The following LRRC1 variants were observed in gnomAD, a reference collection of about 807,000 sequenced individuals.
The protein encoded by LRRC1 is leucine-rich repeat-containing protein 1.
Under a neutral mutation model 69.9 loss-of-function variants are expected in LRRC1, and 28 were observed. That is an observed-to-expected ratio of 0.40 (90% CI 0.30 to 0.55). The LOEUF (loss-of-function observed/expected upper bound fraction) is 0.55. Ranked by LOEUF, LRRC1 falls within the 20% of genes least tolerant of loss-of-function variation. The pLI is 0.47. For missense variants in LRRC1, 498 were observed against 609.0 expected, an observed-to-expected ratio of 0.82 and a Z score of 1.92; for synonymous variants, 236 against 240.2, an observed-to-expected ratio of 0.98 and a Z score of 0.16.
chr6:53,890,929 C>T (rs9463994), intron 4 of LRRC1, among the ~76,000 whole-genome samples: 129 of 152,026 alleles, frequency 8.5e-4, no homozygotes, highest in East Asian at 5.0e-3. Flanking sequence ...TGATTTTGGC[C>T]GCTAAAATGG....
intron 2 of LRRC1, among the ~76,000 whole-genome samples, chr6:53,868,505 C>T (rs1479777294): frequency 5.3e-5 from 8 of 152,138 alleles, no homozygotes; most frequent in South Asian, 2.1e-4. Context: ...GTATTACAGA[C>T]GTGAGCCACT....
In LRRC1 at chr6:53,878,142, A is replaced by G. The variant is rs963108420; in HGVS notation, c.278-851A>G. 3.9e-5 allele frequency among the ~76,000 whole-genome samples: 6 copies of G among 152,190 alleles called. No individual in the cohort carries two copies. The South Asian group carries it at 1.0e-3, about 26-fold the overall frequency. ...ACCATCAGGTCTCGTGAAACTTACTATCATGAGAACAGCACAGGAAAGACC... is the reference window on the plus strand; with the variant it reads ...ACCATCAGGTCTCGTGAAACTTACTGTCATGAGAACAGCACAGGAAAGACC... On this transcript the variant is annotated intron_variant, in intron 2 of 13. Transcript: ENST00000370888.
chr6:53,914,507 T>C (rs1768507395), intron 11 of LRRC1, among the ~76,000 whole-genome samples: 1 of 152,158 alleles, frequency 6.6e-6, no homozygotes, highest in Non-Finnish European at 1.5e-5. Flanking sequence ...ACAAAAAAAG[T>C]TCAGAGCCGC....
chr6:53,827,707 G>T (rs1262013929), intron 1 of LRRC1, among the ~76,000 whole-genome samples: 2 of 152,176 alleles, frequency 1.3e-5, no homozygotes, highest in African/African-American at 4.8e-5. Context: ...TGGGGCAGAA[G>T]TTAGAAAGGA....
intron 10 of LRRC1, 53 bp from the exon 11 acceptor site, chr6:53,913,801 C>A: frequency 8.3e-7 from 1 of 1,208,112 alleles, no homozygotes; most frequent in Admixed American, 1.7e-5. Context: ...TCTGATCCTA[C>A]TCCATCTCCC....
chr6:53,896,898 T>C lies in LRRC1; in HGVS notation c.567+6T>C. The C allele has an allele frequency of 3.2e-6, 5 of 1,553,922 alleles. No homozygotes were observed. Among genetic ancestry groups the C allele is most frequent in the Middle Eastern group, 3.4e-4 (2 of 5,920 alleles). On this transcript the variant is annotated splice_donor_region_variant and intron_variant, in intron 6 of 13. Coordinates refer to ENST00000370888, the MANE Select transcript of LRRC1 (RefSeq NM_018214.5). ...ACAATGAAATATATAATTTGGTAAG[T>C]CCGTATTAGAGATTTGAATTTAACT...
chr6:53,908,421 A>G (rs980137598), intron 10 of LRRC1, among the ~76,000 whole-genome samples: 1 of 152,218 alleles, frequency 6.6e-6, no homozygotes, highest in Non-Finnish European at 1.5e-5. Flanking sequence ...GCCTGTGGTG[A>G]TAGAATATTC....
At chr6:53,858,760 C>T (rs1766401941) in intron 2 of LRRC1, among the ~76,000 whole-genome samples, 1 of 152,134 alleles carries the variant, frequency 6.6e-6, no homozygotes, top group Non-Finnish European at 1.5e-5. Flanking sequence ...GGGTTTACAG[C>T]CCCTTTATCC....
chr6:53,808,428 A>G (rs191917874), intron 1 of LRRC1, among the ~76,000 whole-genome samples: 1 of 152,246 alleles, frequency 6.6e-6, no homozygotes, highest in Admixed American at 6.5e-5. Flanking sequence ...AGAATTTAGG[A>G]GAGGAAACCT....
At chr6:53,922,268 T>C (rs2127443857) in intron 13 of LRRC1, among the ~76,000 whole-genome samples, 1 of 152,312 alleles carries the variant, frequency 6.6e-6, no homozygotes, top group East Asian at 1.9e-4. Context: ...TTAGGATTTT[T>C]TATTTACTCT....
Position 53,919,477 on chromosome 6 carries a change from TAAAAAAA to T in LRRC1, c.1107-10_1107-4del, listed in dbSNP as rs59865937. ...TTTGAGGTTGTGATGTCTCTTTTTT[TAAAAAAA>T]AAAAAAAAAACAGGTTGCTGCATCT... On this transcript the variant is annotated splice_polypyrimidine_tract_variant and intron_variant, in intron 11 of 13. Transcript: ENST00000370888. The T allele has an allele frequency of 4.0e-6, 5 of 1,257,016 alleles. No homozygotes were observed. The highest frequency in any genetic ancestry group is 5.2e-6 in the Non-Finnish European group (5 of 962,368). 77.9% of individuals were successfully genotyped at this position (1,257,016 alleles called of 1,614,324 possible).
intron 4 of LRRC1, among the ~76,000 whole-genome samples, chr6:53,891,661 A>G (rs1767685533): frequency 6.6e-6 from 1 of 152,136 alleles, no homozygotes; most frequent in Non-Finnish European, 1.5e-5. Context: ...GAAAAGAAGA[A>G]ACTCTTTACT....
At chr6:53,866,668 T>C (rs971015517) in intron 2 of LRRC1, among the ~76,000 whole-genome samples, 3 of 152,156 alleles carry the variant, frequency 2.0e-5, no homozygotes, top group Non-Finnish European at 1.5e-5. Context: ...TTTTTATTAG[T>C]GCTACATTAA....
intron 1 of LRRC1, among the ~76,000 whole-genome samples, chr6:53,802,326 G>A (rs974029532): frequency 1.3e-5 from 2 of 152,198 alleles, no homozygotes; most frequent in Non-Finnish European, 2.9e-5. Flanking sequence ...TAGAGTACCT[G>A]TGGGATGTTC....
intron 1 of LRRC1, among the ~76,000 whole-genome samples, chr6:53,805,057 ATTC>A (rs1267834940): frequency 6.6e-6 from 1 of 151,650 alleles, no homozygotes; most frequent in Non-Finnish European, 1.5e-5. Flanking sequence ...TGTGCCCATT[ATTC>A]TTGAGTGCAA....
intron 1 of LRRC1, among the ~76,000 whole-genome samples, chr6:53,812,345 GAAGGAT>G (rs1239055961): frequency 6.6e-6 from 1 of 152,126 alleles, no homozygotes; most frequent in African/African-American, 2.4e-5. Flanking sequence ...TTGGGGGAGT[GAAGGAT>G]AACAGTTGAA....
chr6:53,815,924 T>A (rs184839397), intron 1 of LRRC1, among the ~76,000 whole-genome samples: 3 of 152,380 alleles, frequency 2.0e-5, no homozygotes, highest in Admixed American at 6.5e-5. Flanking sequence ...AACAAAATGC[T>A]TCCTGTATCC....
chr6:53,857,969 G>T (rs911794826), intron 2 of LRRC1, among the ~76,000 whole-genome samples: 7 of 152,214 alleles, frequency 4.6e-5, no homozygotes, highest in Non-Finnish European at 8.8e-5. Flanking sequence ...ATAACACTCT[G>T]CTCATAATGT....
In LRRC1 at chr6:53,874,069, C is replaced by T. The variant is rs543074830; in HGVS notation, c.278-4924C>T. On this transcript the variant is annotated intron_variant, in intron 2 of 13. Transcript: ENST00000370888. Reference sequence around the variant, plus strand: ...CCTTGCTTGCCTGAACAGTGATGCTCATCCTGTGATGAATTTGCTTGTTTA... The same window carrying T: ...CCTTGCTTGCCTGAACAGTGATGCTTATCCTGTGATGAATTTGCTTGTTTA... Among the ~76,000 whole-genome samples the T allele has an allele frequency of 3.9e-5, 6 of 152,312 alleles. No individual in the cohort carries two copies. In the South Asian group the frequency reaches 8.3e-4, roughly 21 times the overall value.
Sources: gnomAD v4.1 joint callset for allele counts (sites outside exome capture counted in the v4.1 genomes callset) on GRCh38, gnomAD v4.1.1 for gene constraint, MANE v1.5 for transcripts, NCBI Gene and HGNC (gene_info 2026-07-23, HGNC 2026-07-21) for gene names.